The following SGTB variants were observed in gnomAD, a reference collection of about 807,000 sequenced individuals.
SGTB encodes the protein small glutamine rich tetratricopeptide repeat co-chaperone beta.
SGTB carries 19 observed loss-of-function variants against 43.9 expected under a neutral mutation model. That is an observed-to-expected ratio of 0.43 (90% CI 0.30 to 0.63). The LOEUF is 0.63. SGTB is among the 30% of genes least tolerant of loss of function. The pLI, the probability that SGTB is intolerant of heterozygous loss-of-function variation, is 0.12. For missense variants in SGTB, 304 were observed against 358.9 expected (o/e 0.85, Z 1.24); for synonymous variants, 116 against 117.3 (o/e 0.99, Z 0.07).
intron 3 of SGTB, among the ~76,000 whole-genome samples, chr5:65,709,305 A>G (rs1326347392): frequency 6.6e-6 from 1 of 152,162 alleles, no homozygotes; most frequent in Admixed American, 6.5e-5. Context: ...ATATGTTCAC[A>G]CACACATTAA....
At chr5:65,706,035 C>G (rs1757927481) in intron 4 of SGTB, among the ~76,000 whole-genome samples, 1 of 149,866 alleles carries the variant, frequency 6.7e-6, no homozygotes, top group African/African-American at 2.5e-5. Context: ...GACCCTGTCT[C>G]AAGAAAAAAA....
chr5:65,704,248 T>C, intron 5 of SGTB, 31 bp downstream of exon 5: 4 of 1,490,488 alleles, frequency 2.7e-6, no homozygotes, highest in East Asian at 2.4e-5. Flanking sequence ...TGTTTAAGAA[T>C]TGCAAACCTG....
At chr5:65,689,109 C>T (rs1757554109) in intron 5 of SGTB, among the ~76,000 whole-genome samples, 1 of 152,202 alleles carries the variant, frequency 6.6e-6, no homozygotes, top group African/African-American at 2.4e-5. Flanking sequence ...CATGCCTGGC[C>T]TTTTAATTGT....
chr5:65,672,746 A>G (rs1757183434), intron 8 of SGTB, among the ~76,000 whole-genome samples: 1 of 152,194 alleles, frequency 6.6e-6, no homozygotes, highest in African/African-American at 2.4e-5. Flanking sequence ...AAAACATTCT[A>G]TTTTGAAAGC....
chr5:65,711,962 T>C (rs138038448), intron 3 of SGTB, among the ~76,000 whole-genome samples: 20 of 152,162 alleles, frequency 1.3e-4, no homozygotes, highest in African/African-American at 4.6e-4. Flanking sequence ...TAAAGAAACA[T>C]GTGGGCCAGG....
intron 8 of SGTB, among the ~76,000 whole-genome samples, chr5:65,673,427 C>T (rs1207754255): frequency 1.3e-5 from 2 of 152,090 alleles, no homozygotes; most frequent in Non-Finnish European, 2.9e-5. Context: ...AGCATTACTG[C>T]CTGAGCTCCA....
chr5:65,670,834 A>G (rs1286546183), intron 10 of SGTB, among the ~76,000 whole-genome samples: 1 of 152,220 alleles, frequency 6.6e-6, no homozygotes, highest in African/African-American at 2.4e-5. Context: ...ATTATATGCC[A>G]TTTAAAGGTC....
At chr5:65,682,832 C>G (rs1757422821) in intron 6 of SGTB, among the ~76,000 whole-genome samples, 1 of 152,052 alleles carries the variant, frequency 6.6e-6, no homozygotes, top group Non-Finnish European at 1.5e-5. Flanking sequence ...ATAGTTGATT[C>G]TTATTCACAG....
rs1347761094 is a variant in SGTB at position 65,669,624 on chromosome 5, A to C, written c.*622T>G. The C allele has an allele frequency of 1.3e-5, 2 of 152,526 alleles. No individual in the cohort carries two copies. Among genetic ancestry groups the C allele is most frequent in the Non-Finnish European group, 2.9e-5 (2 of 68,028 alleles). 9.4% of individuals were successfully genotyped at this position (152,526 alleles called of 1,614,324 possible). A position where few individuals can be genotyped will look rare whatever the true frequency, so the allele number is the denominator to read the frequency against. Reference sequence around the variant, plus strand: ...TCGCATTACCAATTTTTTCTTTTCAAAACATCCCTTGCATCAAGTGCTACT... The same window carrying C: ...TCGCATTACCAATTTTTTCTTTTCACAACATCCCTTGCATCAAGTGCTACT... On this transcript the variant is annotated 3_prime_UTR_variant, in exon 11 of 11. Coordinates refer to ENST00000381007, the MANE Select transcript of SGTB (RefSeq NM_019072.3).
At chr5:65,689,597 C>T (rs1006488989) in intron 5 of SGTB, among the ~76,000 whole-genome samples, 3 of 152,118 alleles carry the variant, frequency 2.0e-5, no homozygotes, top group East Asian at 1.9e-4. Context: ...TCCATTTGTT[C>T]TTCTCTAAAT....
At chr5:65,701,146 A>G (rs567289882) in intron 5 of SGTB, among the ~76,000 whole-genome samples, 2 of 152,268 alleles carry the variant, frequency 1.3e-5, no homozygotes, top group East Asian at 1.9e-4. Context: ...TCTAACAGAT[A>G]TAACCTAACC....
chr5:65,692,022 A>T (rs889377523), intron 5 of SGTB, among the ~76,000 whole-genome samples: 5 of 152,094 alleles, frequency 3.3e-5, no homozygotes, highest in African/African-American at 1.2e-4. Flanking sequence ...ATAATTTAAG[A>T]ACCAAAAATA....
intron 10 of SGTB, among the ~76,000 whole-genome samples, chr5:65,670,848 C>G (rs1349703206): frequency 6.6e-6 from 1 of 152,126 alleles, no homozygotes; most frequent in African/African-American, 2.4e-5. Context: ...AAAGGTCATT[C>G]TAAAAATGCA....
intron 2 of SGTB, among the ~76,000 whole-genome samples, chr5:65,715,582 G>A (rs1287619022): frequency 6.6e-6 from 1 of 152,252 alleles, no homozygotes; most frequent in Non-Finnish European, 1.5e-5. Flanking sequence ...CACCTACTAT[G>A]TGTCAAGCAC....
rs186793761 is a variant in SGTB, at chr5:65,717,884, G to A, written c.100+2824C>T. ...GTGAGTAGTTGGGCACAAAGTAGGT[G>A]GAGAGTTGGATTTAAACAAAGTTGG... On this transcript the variant is annotated intron_variant, in intron 2 of 10. Transcript: ENST00000381007. Among the ~76,000 whole-genome samples, 190 of 152,118 alleles carry A rather than the reference G, an allele frequency of 1.2e-3. 1 individual carries two copies. Among genetic ancestry groups the A allele is most frequent in the African/African-American group, 4.5e-3 (187 of 41,502 alleles).
chr5:65,680,436 T>A (rs1050425115), intron 8 of SGTB, 58 bp downstream of exon 8: 1 of 1,578,896 alleles, frequency 6.3e-7, no homozygotes, highest in Non-Finnish European at 8.6e-7. Flanking sequence ...AAAAATTGCA[T>A]AGCTACATAG....
Position 65,694,231 on chromosome 5 carries a change from A to G in SGTB, c.375-8759T>C, listed in dbSNP as rs191496533. On this transcript the variant is annotated intron_variant, in intron 5 of 10. Coordinates refer to ENST00000381007, the MANE Select transcript of SGTB (RefSeq NM_019072.3). ...GATCACCTGAGGTCAGGAGTTTGAG[A>G]CCAGCCTGGCCAACATAGTGAAACC... Among the ~76,000 whole-genome samples, 585 of 151,984 alleles carry G rather than the reference A, an allele frequency of 3.8e-3. 4 individuals are homozygous for G. The highest frequency in any genetic ancestry group is 5.4e-3 in the Non-Finnish European group (370 of 67,980).
intron 5 of SGTB, among the ~76,000 whole-genome samples, chr5:65,690,509 G>T (rs1477784392): frequency 1.3e-5 from 2 of 152,040 alleles, no homozygotes; most frequent in African/African-American, 4.8e-5. Flanking sequence ...TCTCAACTTG[G>T]ATACAAAAGA....
At chr5:65,687,380 T>G in intron 5 of SGTB, among the ~76,000 whole-genome samples, 1 of 152,148 alleles carries the variant, frequency 6.6e-6, no homozygotes, top group East Asian at 1.9e-4. Context: ...CAGAGAAAAT[T>G]TTAAGAGACC....
Sources: gnomAD v4.1 joint callset for allele counts (sites outside exome capture counted in the v4.1 genomes callset) on GRCh38, gnomAD v4.1.1 for gene constraint, MANE v1.5 for transcripts, NCBI Gene and HGNC (gene_info 2026-07-23, HGNC 2026-07-21) for gene names.